The following GNB1L variants were observed in gnomAD, a reference collection of about 807,000 sequenced individuals.
GNB1L encodes guanine nucleotide-binding protein subunit beta-like protein 1.
Under a neutral mutation model 29.1 loss-of-function variants are expected in GNB1L, and 20 were observed. The ratio of observed to expected loss-of-function variants is 0.69; its 90% CI spans 0.48 to 1.00. GNB1L has a LOEUF of 1.00. Among genes scored for constraint, GNB1L ranks in the 50% least tolerant of loss-of-function variants. The probability of loss-of-function intolerance (pLI) is 0.00; values close to 1 mark genes in which losing one functional copy is unlikely to be tolerated. For synonymous variants in GNB1L, 193 were observed against 206.5 expected (o/e 0.93, Z 0.56); for missense variants, 421 against 464.9 (o/e 0.91, Z 0.87).
chr22:19,852,392 G>T (rs1938129936), intron 2 of GNB1L: 1 of 969,410 alleles, frequency 1.0e-6, no homozygotes, highest in Non-Finnish European at 1.5e-6. Context: ...ACTGGTCCAG[G>T]CAAGTGCTGA....
In GNB1L at chr22:19,847,488, A is replaced by G. The variant is rs1246970820; in HGVS notation, c.-21+6955T>C. ...GGCATCATTCTCATTCAACCCTTCTAACCACCCCATGAGGAAAAACTCTGG... is the reference window on the plus strand; with the variant it reads ...GGCATCATTCTCATTCAACCCTTCTGACCACCCCATGAGGAAAAACTCTGG... On this transcript the variant is annotated intron_variant, in intron 2 of 7. Coordinates refer to ENST00000329517, the MANE Select transcript of GNB1L (RefSeq NM_053004.3). 51 of 985,368 alleles carry G rather than the reference A, an allele frequency of 5.2e-5. 1 individual carries two copies. The highest frequency in any genetic ancestry group is 3.3e-4 in the South Asian group (7 of 21,280). The allele number at this position is 985,368 out of a possible 1,614,324, so 61.0% of individuals were successfully genotyped here.
intron 2 of GNB1L, among the ~76,000 whole-genome samples, chr22:19,831,052 C>A (rs1937671999): frequency 6.6e-6 from 1 of 152,114 alleles, no homozygotes; most frequent in Non-Finnish European, 1.5e-5. Flanking sequence ...CATGGAAGAA[C>A]TGCATTATTA....
intron 5 of GNB1L, among the ~76,000 whole-genome samples, chr22:19,809,256 C>T (rs891720840): frequency 1.3e-5 from 2 of 151,926 alleles, no homozygotes; most frequent in African/African-American, 4.8e-5. Context: ...CAGAGGCTGG[C>T]ATGCTGGCAG....
intron 6 of GNB1L, among the ~76,000 whole-genome samples, chr22:19,804,867 G>T (rs1048960683): frequency 6.6e-6 from 1 of 152,214 alleles, no homozygotes; most frequent in African/African-American, 2.4e-5. Context: ...ACATGATTGT[G>T]CAATGACCCA....
intron 2 of GNB1L, among the ~76,000 whole-genome samples, chr22:19,845,578 T>G (rs1937943019): frequency 6.6e-6 from 1 of 151,818 alleles, no homozygotes; most frequent in Admixed American, 6.6e-5. Flanking sequence ...GTGCTGGGGG[T>G]GGTTCCTGAG....
intron 7 of GNB1L, among the ~76,000 whole-genome samples, chr22:19,795,724 G>C (rs571350903): frequency 5.9e-5 from 9 of 152,360 alleles, no homozygotes; most frequent in Non-Finnish European, 1.2e-4. Context: ...AAGCCAATGA[G>C]ACTGAGTCAC....
At chr22:19,831,194 C>T (rs867326867) in intron 2 of GNB1L, among the ~76,000 whole-genome samples, 6 of 151,108 alleles carry the variant, frequency 4.0e-5, no homozygotes, top group Admixed American at 1.3e-4. Flanking sequence ...AACCCCATCT[C>T]TACTAAAAAT....
At chr22:19,803,301 AG>A (rs1402873204) in intron 6 of GNB1L, among the ~76,000 whole-genome samples, 1 of 152,222 alleles carries the variant, frequency 6.6e-6, no homozygotes, top group African/African-American at 2.4e-5. Flanking sequence ...CTAATAACAG[AG>A]TTCACACAGA....
Position 19,816,150 on chromosome 22 carries a change from CCT to C in GNB1L, c.255-3705_255-3704del, listed in dbSNP as rs1295278380. Reference sequence around the variant, plus strand: ...CCCCCTGCATGGCCCCTTCTCTCTCCCTGTCTCTGCCTCTCTCTCATGTCTTT... The same window carrying C: ...CCCCCTGCATGGCCCCTTCTCTCTCCGTCTCTGCCTCTCTCTCATGTCTTT... On this transcript the variant is annotated intron_variant, in intron 4 of 7. Coordinates refer to ENST00000329517, the MANE Select transcript of GNB1L (RefSeq NM_053004.3). The surrounding 1 kb of genome is among the most constrained non-coding windows in gnomAD (Gnocchi z 4.4). 1.3e-5 allele frequency among the ~76,000 whole-genome samples: 2 copies of C among 152,190 alleles called. No homozygotes were observed. Among genetic ancestry groups the C allele is most frequent in the Non-Finnish European group, 2.9e-5 (2 of 68,020 alleles).
rs5748431 is a variant in GNB1L, at chr22:19,795,235, C to T, written c.733-6275G>A. 7.4e-4 allele frequency among the ~76,000 whole-genome samples: 112 copies of T among 152,322 alleles called. No individual in the cohort carries two copies. The East Asian group carries it at 0.021, about 29-fold the overall frequency. On this transcript the variant is annotated intron_variant, in intron 7 of 7. Transcript: ENST00000329517. ...ACATCTCAGCGCCTATACACCCACACTGAGCCCCAGAGCTTCAAAGCTCAT... is the reference window on the plus strand; with the variant it reads ...ACATCTCAGCGCCTATACACCCACATTGAGCCCCAGAGCTTCAAAGCTCAT...
chr22:19,850,007 G>A, intron 2 of GNB1L: 1 of 985,618 alleles, frequency 1.0e-6, no homozygotes, highest in Non-Finnish European at 1.2e-6. Context: ...CTGGACTGCT[G>A]CCTGGTCCTC....
rs190911459 is a variant in GNB1L at position 19,818,597 on chromosome 22, T to C, written c.254+2001A>G. Among the ~76,000 whole-genome samples, 13 of 152,278 alleles carry C rather than the reference T, an allele frequency of 8.5e-5. No individual in the cohort carries two copies. In the East Asian group the frequency reaches 1.4e-3, roughly 16 times the overall value. Reference sequence around the variant, plus strand: ...GCACCGCGTGAGTCTAGCACAGACATGTTTTGCAGACTGGTGGGGGCCAGA... The same window carrying C: ...GCACCGCGTGAGTCTAGCACAGACACGTTTTGCAGACTGGTGGGGGCCAGA... On this transcript the variant is annotated intron_variant, in intron 4 of 7. Coordinates refer to ENST00000329517, the MANE Select transcript of GNB1L (RefSeq NM_053004.3).
chr22:19,820,781 G>A, intron 3 of GNB1L, 58 bp from the exon 4 acceptor site: 3 of 1,561,410 alleles, frequency 1.9e-6, no homozygotes, highest in South Asian at 2.3e-5. Flanking sequence ...TGAATGCTCT[G>A]GGGCCAGCCT....
intron 4 of GNB1L, among the ~76,000 whole-genome samples, chr22:19,817,362 T>C (rs1442109466): frequency 1.3e-5 from 2 of 152,086 alleles, no homozygotes; most frequent in Admixed American, 1.3e-4. Context: ...ATGCCTCTTA[T>C]CCCAGCTACT....
chr22:19,816,050 T>G lies in GNB1L; in HGVS notation c.255-3603A>C, dbSNP rs1937522459. Among the ~76,000 whole-genome samples, 1 of 152,122 alleles carries G rather than the reference T, an allele frequency of 6.6e-6. No homozygotes were observed. Among genetic ancestry groups the G allele is most frequent in the African/African-American group, 2.4e-5 (1 of 41,438 alleles). On this transcript the variant is annotated intron_variant, in intron 4 of 7. Transcript: ENST00000329517. The surrounding 1 kb of genome is among the most constrained non-coding windows in gnomAD (Gnocchi z 4.4). ...GTCAACACCGCATCCTGACCAAGGG[T>G]GAGCCCCGACAGCCCACAGCCATCC...
chr22:19,822,064 G>A lies in GNB1L; in HGVS notation c.-20-689C>T, dbSNP rs1480968218. On this transcript the variant is annotated intron_variant, in intron 2 of 7. Coordinates refer to ENST00000329517, the MANE Select transcript of GNB1L (RefSeq NM_053004.3). Reference sequence around the variant, plus strand: ...ACACAGGGTCCCGGGGGGCTGCTAGGAGGAGCCTTCCTCTCACATCTGCTG... The same window carrying A: ...ACACAGGGTCCCGGGGGGCTGCTAGAAGGAGCCTTCCTCTCACATCTGCTG... 2.0e-5 allele frequency among the ~76,000 whole-genome samples: 3 copies of A among 152,114 alleles called. No homozygotes were observed. In the East Asian group the frequency reaches 5.8e-4, roughly 29 times the overall value.
intron 4 of GNB1L, among the ~76,000 whole-genome samples, chr22:19,817,733 A>G (rs907200117): frequency 3.3e-5 from 5 of 152,150 alleles, no homozygotes; most frequent in African/African-American, 1.2e-4. Context: ...CTCCAGGGAG[A>G]GCAGGTGGCA....
intron 2 of GNB1L, among the ~76,000 whole-genome samples, chr22:19,834,593 C>T (rs1220895437): frequency 6.6e-6 from 1 of 152,132 alleles, no homozygotes; most frequent in Admixed American, 6.5e-5. Context: ...TGTAAGCCTT[C>T]TATATTTTAT....
In GNB1L at chr22:19,851,895, C is replaced by T. The variant is rs34027839; in HGVS notation, c.-21+2548G>A. 9 of 1,614,086 alleles carry T rather than the reference C, an allele frequency of 5.6e-6. No individual in the cohort carries two copies. The South Asian group carries it at 6.6e-5, about 12-fold the overall frequency. The stretch of plus-strand genomic sequence containing the variant: ...TGCTCAAAGTGGAAGGACATGTAAT[C>T]GCCCAGCTGGGCCAAGAAGCGGTCC... On this transcript the variant is annotated intron_variant, in intron 2 of 7. Transcript: ENST00000329517.
Sources: allele counts gnomAD v4.1 joint callset (sites outside exome capture counted in the v4.1 genomes callset), GRCh38; gene constraint gnomAD v4.1.1; non-coding constraint Gnocchi (gnomAD v3.1); transcripts MANE v1.5; gene names NCBI Gene and HGNC (gene_info 2026-07-23, HGNC 2026-07-21).